The following EDIL3 variants were observed in gnomAD, a reference collection of about 807,000 sequenced individuals.
EDIL3 encodes EGF-like repeat and discoidin I-like domain-containing protein 3.
A neutral mutation model predicts 67.4 loss-of-function variants in EDIL3; 37 were observed. The ratio of observed to expected loss-of-function variants is 0.55; its 90% CI spans 0.42 to 0.72. The LOEUF is 0.72. Ranked by LOEUF, EDIL3 falls within the 30% of genes least tolerant of loss-of-function variation. The probability of loss-of-function intolerance (pLI) is 0.00; values close to 1 mark genes in which losing one functional copy is unlikely to be tolerated. For synonymous variants in EDIL3, 195 were observed against 196.3 expected (o/e 0.99, Z 0.05); for missense variants, 527 against 586.3 (o/e 0.90, Z 1.04).
intron 3 of EDIL3, among the ~76,000 whole-genome samples, chr5:84,207,980 G>C (rs1312778344): frequency 1.3e-5 from 2 of 151,956 alleles, no homozygotes; most frequent in Non-Finnish European, 2.9e-5. Flanking sequence ...TCAGGACATA[G>C]GCATGGGCAA....
chr5:84,092,599 T>C (rs1747186077), intron 6 of EDIL3, among the ~76,000 whole-genome samples: 1 of 152,116 alleles, frequency 6.6e-6, no homozygotes, highest in Non-Finnish European at 1.5e-5. Flanking sequence ...CAAGGGTAAA[T>C]ATTACAAATT....
At chr5:84,268,577 C>T (rs1249926186) in intron 1 of EDIL3, among the ~76,000 whole-genome samples, 2 of 152,122 alleles carry the variant, frequency 1.3e-5, no homozygotes, top group Non-Finnish European at 2.9e-5. Flanking sequence ...TAATGTTGCA[C>T]AAGAAGCTGC....
chr5:84,304,203 G>T (rs1746220427), intron 1 of EDIL3, among the ~76,000 whole-genome samples: 1 of 152,060 alleles, frequency 6.6e-6, no homozygotes, highest in African/African-American at 2.4e-5. Context: ...GAGTAACAGG[G>T]GTGTTTCCTA....
At chr5:84,044,043 T>A (rs1746177848) in intron 9 of EDIL3, among the ~76,000 whole-genome samples, 1 of 152,152 alleles carries the variant, frequency 6.6e-6, no homozygotes, top group Non-Finnish European at 1.5e-5. Flanking sequence ...TTTGTCCTAA[T>A]GCTATCCCTC....
rs1406611883 is a variant in EDIL3, at chr5:84,031,199, T to G, written c.1137+29101A>C. Reference sequence around the variant, plus strand: ...CTCCAAATATAATCACATTCTGAGATAGTTGGGGTTAGGACTTAAATATAT... The same window carrying G: ...CTCCAAATATAATCACATTCTGAGAGAGTTGGGGTTAGGACTTAAATATAT... On this transcript the variant is annotated intron_variant, in intron 9 of 10. Transcript: ENST00000296591. Among the ~76,000 whole-genome samples the G allele has an allele frequency of 2.0e-5, 3 of 152,294 alleles. No homozygotes were observed. In the East Asian group the frequency reaches 5.8e-4, roughly 29 times the overall value.
At chr5:84,035,591 G>A (rs1746007582) in intron 9 of EDIL3, among the ~76,000 whole-genome samples, 1 of 152,118 alleles carries the variant, frequency 6.6e-6, no homozygotes, top group African/African-American at 2.4e-5. Flanking sequence ...GGTATGCGGA[G>A]TATGTGGGTT....
intron 10 of EDIL3, among the ~76,000 whole-genome samples, chr5:83,948,788 C>T (rs1744358203): frequency 1.3e-5 from 2 of 151,768 alleles, no homozygotes; most frequent in African/African-American, 4.8e-5. Context: ...AAATAGACTG[C>T]AGCTATCATT....
intron 10 of EDIL3, among the ~76,000 whole-genome samples, chr5:83,961,715 A>G (rs1255405468): frequency 6.6e-6 from 1 of 151,328 alleles, no homozygotes; most frequent in Non-Finnish European, 1.5e-5. Context: ...CAGAATGCTT[A>G]CTGTAAAAGG....
intron 9 of EDIL3, among the ~76,000 whole-genome samples, chr5:84,017,746 T>C (rs1745633346): frequency 6.6e-6 from 1 of 152,164 alleles, no homozygotes; most frequent in African/African-American, 2.4e-5. Flanking sequence ...GTGAATTCAT[T>C]CTGTTGTTTT....
chr5:84,025,776 T>C (rs994146484), intron 9 of EDIL3, among the ~76,000 whole-genome samples: 5 of 152,184 alleles, frequency 3.3e-5, no homozygotes, highest in Non-Finnish European at 5.9e-5. Context: ...GCATCATGAT[T>C]GTATGTAATA....
rs554246402 is a variant in EDIL3 at position 84,031,383 on chromosome 5, T to A, written c.1137+28917A>T. 5.7e-4 allele frequency among the ~76,000 whole-genome samples: 87 copies of A among 152,368 alleles called. 1 individual carries two copies. In the East Asian group the frequency reaches 0.016, roughly 28 times the overall value. On this transcript the variant is annotated intron_variant, in intron 9 of 10. Coordinates refer to ENST00000296591, the MANE Select transcript of EDIL3 (RefSeq NM_005711.5). The stretch of plus-strand genomic sequence containing the variant: ...ATTTTGCTAAATTCAAAAAGATGGA[T>A]AATAATTTTTTACTTTAGAAAATTG...
In EDIL3 at chr5:84,005,076, C is replaced by G. The variant is rs576774300; in HGVS notation, c.1138-41716G>C. 9.0e-4 allele frequency among the ~76,000 whole-genome samples: 137 copies of G among 152,144 alleles called. 3 individuals are homozygous for G. In the South Asian group the frequency reaches 0.028, roughly 31 times the overall value. Reference sequence around the variant, plus strand: ...TTATGAACACTTCTATACACACAAACTAGAAAACCTAGAAGGAATGGATAA... The same window carrying G: ...TTATGAACACTTCTATACACACAAAGTAGAAAACCTAGAAGGAATGGATAA... On this transcript the variant is annotated intron_variant, in intron 9 of 10. Transcript: ENST00000296591.
chr5:84,176,250 T>C (rs1313121093), intron 4 of EDIL3, among the ~76,000 whole-genome samples: 1 of 141,390 alleles, frequency 7.1e-6, no homozygotes, highest in East Asian at 2.0e-4. Flanking sequence ...TATAATATAT[T>C]GTATATATAT....
chr5:84,302,496 C>T (rs1228847326), intron 1 of EDIL3, among the ~76,000 whole-genome samples: 4 of 152,162 alleles, frequency 2.6e-5, no homozygotes, highest in Admixed American at 6.5e-5. Context: ...CGGGGTTTCA[C>T]TGTGTTAGCG....
chr5:84,089,467 C>G (rs573156396), intron 6 of EDIL3, among the ~76,000 whole-genome samples: 2 of 152,294 alleles, frequency 1.3e-5, no homozygotes, highest in East Asian at 1.9e-4. Context: ...TATCTGCCTC[C>G]AGGCAGTTAG....
chr5:84,283,158 A>G (rs1745738466), intron 1 of EDIL3, among the ~76,000 whole-genome samples: 1 of 152,168 alleles, frequency 6.6e-6, no homozygotes, highest in African/African-American at 2.4e-5. Context: ...CATATAAAAG[A>G]GCTGACTATA....
chr5:84,174,521 T>A (rs182958903), intron 4 of EDIL3, among the ~76,000 whole-genome samples: 1 of 152,318 alleles, frequency 6.6e-6, no homozygotes, highest in African/African-American at 2.4e-5. Flanking sequence ...TAAGTCTTTT[T>A]CCAGCCTGGA....
intron 5 of EDIL3, among the ~76,000 whole-genome samples, chr5:84,115,278 A>C (rs1344418603): frequency 6.6e-6 from 1 of 152,188 alleles, no homozygotes; most frequent in Non-Finnish European, 1.5e-5. Flanking sequence ...TGCAATTATC[A>C]GCCATCTAGC....
intron 9 of EDIL3, among the ~76,000 whole-genome samples, chr5:84,027,693 C>T (rs1324468164): frequency 6.6e-6 from 1 of 151,698 alleles, no homozygotes; most frequent in East Asian, 1.9e-4. Flanking sequence ...TAGCGAAGTG[C>T]TTATTATACA....
Sources: gnomAD v4.1 joint callset for allele counts (sites outside exome capture counted in the v4.1 genomes callset) on GRCh38, gnomAD v4.1.1 for gene constraint, MANE v1.5 for transcripts, NCBI Gene and HGNC (gene_info 2026-07-23, HGNC 2026-07-21) for gene names.